Variants in RSPH3 observed in about 807,000 individuals in gnomAD.
RSPH3 encodes radial spoke head protein 3 homolog.
RSPH3 carries 21 observed loss-of-function variants against 43.8 expected under a neutral mutation model. The ratio of observed to expected loss-of-function variants is 0.48; its 90% CI spans 0.34 to 0.69. The LOEUF is 0.69. Ranked by LOEUF, RSPH3 falls within the 30% of genes least tolerant of loss-of-function variation. The pLI is 0.01. For missense variants in RSPH3, 487 were observed against 516.0 expected (o/e 0.94, Z 0.54); for synonymous variants, 173 against 179.8 (o/e 0.96, Z 0.30).
chr6:158,963,548 C>T, the RSPH3 span, among the ~76,000 whole-genome samples: 4 of 149,586 alleles, frequency 2.7e-5, no homozygotes, highest in Non-Finnish European at 5.9e-5. Flanking sequence ...TCCCTCCCTC[C>T]CTTCTTTCTT....
At chr6:158,968,255 G>A (rs1359278866), downstream of RSPH3, among the ~76,000 whole-genome samples, 3 of 151,706 alleles carry the variant, frequency 2.0e-5, no homozygotes, top group Non-Finnish European at 4.4e-5. Flanking sequence ...ATTTTTTTGA[G>A]ATGGAGTCTC....
At chr6:158,987,631 T>C (rs914579278) in intron 2 of RSPH3, among the ~76,000 whole-genome samples, 2 of 152,228 alleles carry the variant, frequency 1.3e-5, no homozygotes, top group African/African-American at 4.8e-5. Context: ...TTACAGATTT[T>C]TGCATTGTGG....
intron 5 of RSPH3, among the ~76,000 whole-genome samples, chr6:158,981,491 T>C (rs1255954301): frequency 6.6e-6 from 1 of 152,246 alleles, no homozygotes; most frequent in Non-Finnish European, 1.5e-5. Context: ...TTTCAAACTT[T>C]AAACAAATAT....
rs1199468594 is a variant in RSPH3 at position 158,999,905 on chromosome 6, A to G, written c.-355T>C. 2 of 1,612,976 alleles carry G rather than the reference A, an allele frequency of 1.2e-6. No homozygotes were observed. The highest frequency in any genetic ancestry group is 1.6e-4 in the Middle Eastern group (1 of 6,062). ...GCTCTTGACTCCGCCCAGCCGCGCCACCCAGGTAGGTGCGCCTGCGCTTTG... is the reference window on the plus strand; with the variant it reads ...GCTCTTGACTCCGCCCAGCCGCGCCGCCCAGGTAGGTGCGCCTGCGCTTTG... On this transcript the variant is annotated 5_prime_UTR_variant, in exon 1 of 8. Coordinates refer to ENST00000367069, the MANE Select transcript of RSPH3 (RefSeq NM_031924.8).
In RSPH3 at chr6:158,976,239, C is replaced by T. The variant is rs569029465; in HGVS notation, c.*1299G>A. On this transcript the variant is annotated 3_prime_UTR_variant, in exon 8 of 8. Transcript: ENST00000367069. ...AAAATAGGCTCTATTTATCTAAAGGCTCTGAAGACTTCAGTTATTGCTTAC... is the reference window on the plus strand; with the variant it reads ...AAAATAGGCTCTATTTATCTAAAGGTTCTGAAGACTTCAGTTATTGCTTAC... 6.6e-5 allele frequency: 10 copies of T among 152,248 alleles called. No homozygotes were observed. Among genetic ancestry groups the T allele is most frequent in the African/African-American group, 1.9e-4 (8 of 41,552 alleles). 9.4% of individuals were successfully genotyped at this position (152,248 alleles called of 1,614,324 possible). A position where few individuals can be genotyped will look rare whatever the true frequency, so the allele number is the denominator to read the frequency against.
At chr6:158,984,408 G>C (rs1252604132) in intron 3 of RSPH3, among the ~76,000 whole-genome samples, 1 of 128,776 alleles carries the variant, frequency 7.8e-6, no homozygotes, top group African/African-American at 3.1e-5. Flanking sequence ...ATAAGATGCA[G>C]AGTACAACAG....
chr6:158,978,333 T>A lies in RSPH3; in HGVS notation c.873A>T (p.Gly291=). 2 of 1,500,154 alleles carry A rather than the reference T, an allele frequency of 1.3e-6. No homozygotes were observed. The highest frequency in any genetic ancestry group is 1.9e-6 in the Non-Finnish European group (2 of 1,079,726). 92.9% of individuals were successfully genotyped at this position (1,500,154 alleles called of 1,614,324 possible). A position where few individuals can be genotyped will look rare whatever the true frequency, so the allele number is the denominator to read the frequency against. ...YDPIERDIEI[G]FLPWLMNEVE... ...CTTCATTCATTAGCCATGGAAGAAA[T>A]CCTATCTCAATATCTGTAATAAAAG... The change falls in exon 7 of 8, where the codon GGA becomes GGT. Residue 291 remains glycine, a synonymous_variant. Transcript: ENST00000367069.
intron 1 of RSPH3, among the ~76,000 whole-genome samples, chr6:158,994,545 G>A (rs780083488): frequency 3.9e-4 from 59 of 152,156 alleles, no homozygotes; most frequent in Non-Finnish European, 6.8e-4. Flanking sequence ...CAGCTGCTCT[G>A]GAGCCTGAGG....
chr6:158,987,305 T>C (rs1778267092), intron 2 of RSPH3, among the ~76,000 whole-genome samples: 1 of 152,352 alleles, frequency 6.6e-6, no homozygotes, highest in African/African-American at 2.4e-5. Flanking sequence ...TGGTTTCTAG[T>C]TGCATGGAAA....
intron 3 of RSPH3, among the ~76,000 whole-genome samples, chr6:158,984,841 A>T (rs1024879979): frequency 6.6e-6 from 1 of 152,222 alleles, no homozygotes; most frequent in African/African-American, 2.4e-5. Context: ...AGCCAAAAAA[A>T]GCTGGCTGCT....
chr6:158,999,291 C>CAACATTTGAGG (rs1441759516), intron 1 of RSPH3, 144 bp downstream of exon 1: 8,325 of 725,382 alleles, frequency 0.011, 98 homozygotes, highest in Admixed American at 0.019. Context: ...ACGGGAGATT[C>CAACATTTGAGG]CTTAGGGCAG....
chr6:158,988,156 AT>A (rs56966226), intron 2 of RSPH3: 17,346 of 151,758 alleles, frequency 0.11, 1,721 homozygotes, highest in East Asian at 0.41. Flanking sequence ...TTGTTACATG[AT>A]TTTTTTTCTT....
At position 158,978,816 on chromosome 6, in the gene RSPH3, G is replaced by A. The variant is rs1777936558; in HGVS notation, c.860-470C>T. On this transcript the variant is annotated intron_variant, in intron 6 of 7. Coordinates refer to ENST00000367069, the MANE Select transcript of RSPH3 (RefSeq NM_031924.8). ...GGCCTCCCAAAGTTCTAGGATTACAGGTGTGAGCCACCACACCTTGCCCAA... is the reference window on the plus strand; with the variant it reads ...GGCCTCCCAAAGTTCTAGGATTACAAGTGTGAGCCACCACACCTTGCCCAA... 2.0e-5 allele frequency among the ~76,000 whole-genome samples: 3 copies of A among 152,216 alleles called. No individual in the cohort carries two copies. In the South Asian group the frequency reaches 6.2e-4, roughly 31 times the overall value.
chr6:158,985,595 C>T (rs150297299), intron 3 of RSPH3, among the ~76,000 whole-genome samples: 125 of 152,048 alleles, frequency 8.2e-4, no homozygotes, highest in African/African-American at 2.7e-3. Flanking sequence ...TATGCTCAAC[C>T]AATTTTAAAA....
intron 6 of RSPH3, among the ~76,000 whole-genome samples, chr6:158,979,341 AT>A (rs1414462633): frequency 1.3e-5 from 2 of 152,076 alleles, no homozygotes; most frequent in Non-Finnish European, 1.5e-5. Flanking sequence ...CTTTTAAATG[AT>A]CTATAACTTA....
In RSPH3 at chr6:158,974,506, A is replaced by G. The variant is rs1177521518; in HGVS notation, c.*3032T>C. On this transcript the variant is annotated 3_prime_UTR_variant, in exon 8 of 8. Transcript: ENST00000367069. ...GAATGCTATCTTGTAATTTCCCAGA[A>G]AGTCCTTCAGGTACTTGAAGAAATT... is the stretch of plus-strand genomic sequence containing the variant. The G allele has an allele frequency of 6.6e-6, 1 of 152,230 alleles. No individual in the cohort carries two copies. The highest frequency in any genetic ancestry group is 1.5e-5 in the Non-Finnish European group (1 of 68,038). The allele number at this position is 152,230 out of a possible 1,614,324, so 9.4% of individuals were successfully genotyped here. A position where few individuals can be genotyped will look rare whatever the true frequency, so the allele number is the denominator to read the frequency against.
At chr6:158,969,640 G>A (rs533767310), downstream of RSPH3, among the ~76,000 whole-genome samples, 19 of 152,236 alleles carry the variant, frequency 1.2e-4, no homozygotes, top group African/African-American at 2.9e-4. Context: ...GGATGTGTAC[G>A]TTGATATGCT....
At chr6:158,998,917 A>G (rs917244709) in intron 1 of RSPH3, among the ~76,000 whole-genome samples, 31 of 151,206 alleles carry the variant, frequency 2.1e-4, no homozygotes, top group African/African-American at 7.6e-4. Context: ...ACCACCACAA[A>G]AAACCAATCT....
At position 158,978,298 on chromosome 6, in the gene RSPH3, G is replaced by GT. The variant is rs2128605420; in HGVS notation, c.907dup (p.Thr303AsnfsTer5). The GT allele has an allele frequency of 6.3e-7, 1 of 1,585,336 alleles. No individual in the cohort carries two copies. Among genetic ancestry groups the GT allele is most frequent in the Non-Finnish European group, 8.7e-7 (1 of 1,155,612 alleles). ...TCTTCCCACCATGCTATATTCCATG[G>GT]TTTTTTCAACTTCATTCATTAGCCA... is the stretch of plus-strand genomic sequence containing the variant. On this transcript the variant is annotated frameshift_variant, in exon 7 of 8. Transcript: ENST00000367069. LOFTEE classifies it low-confidence loss of function (END_TRUNC).
Sources: allele counts gnomAD v4.1 joint callset (sites outside exome capture counted in the v4.1 genomes callset), GRCh38; gene constraint gnomAD v4.1.1; transcripts MANE v1.5; gene names NCBI Gene and HGNC (gene_info 2026-07-23, HGNC 2026-07-21).